Variants in KLKB1 observed in about 807,000 individuals in gnomAD.
The protein encoded by KLKB1 is kallikrein B1, also known as plasma kallikrein.
KLKB1 carries 58 observed loss-of-function variants against 73.6 expected under a neutral mutation model. That is an observed-to-expected ratio of 0.79 (90% CI 0.64 to 0.98). KLKB1 has a LOEUF of 0.98. KLKB1 is among the 50% of genes least tolerant of loss of function. The pLI, the probability that KLKB1 is intolerant of heterozygous loss-of-function variation, is 0.00. For synonymous variants in KLKB1, 280 were observed against 258.1 expected, an observed-to-expected ratio of 1.08 and a Z score of -0.81; for missense variants, 737 against 763.8, an observed-to-expected ratio of 0.96 and a Z score of 0.41.
upstream of KLKB1, among the ~76,000 whole-genome samples, chr4:186,223,789 G>C (rs1306887530): frequency 6.6e-6 from 1 of 152,190 alleles, no homozygotes; most frequent in Non-Finnish European, 1.5e-5. Flanking sequence ...TTTCTGAGGA[G>C]GAATTCAAGC....
At position 186,251,587 on chromosome 4, in the gene KLKB1, A is replaced by T; in HGVS notation, c.969A>T (p.Thr323=). The change falls in exon 9 of 15, where the codon ACA becomes ACT. Residue 323 remains threonine, a synonymous_variant. Coordinates refer to ENST00000264690, the MANE Select transcript of KLKB1 (RefSeq NM_000892.5). ...TGAATGTTTGCCAAGAGACTTGCAC[A>T]AAGATGATTCGCTGTCAGTTTTTCA... is the stretch of plus-strand genomic sequence containing the variant. The part of the protein sequence containing the change: ...KGVNVCQETC[T]KMIRCQFFTY... 2 of 1,614,188 alleles carry T rather than the reference A, an allele frequency of 1.2e-6. No homozygotes were observed. Among genetic ancestry groups the T allele is most frequent in the Middle Eastern group, 1.6e-4 (1 of 6,062 alleles).
At chr4:186,252,448 C>T (rs1348354288) in intron 11 of KLKB1, among the ~76,000 whole-genome samples, 2 of 152,072 alleles carry the variant, frequency 1.3e-5, no homozygotes, top group Non-Finnish European at 2.9e-5. Context: ...ACTCCTCCAA[C>T]CCACCACCCA....
At chr4:186,218,423 T>A (rs190073618) in intron 2 of KLKB1, among the ~76,000 whole-genome samples, 5 of 152,220 alleles carry the variant, frequency 3.3e-5, no homozygotes, top group African/African-American at 4.8e-5. Context: ...AAGCATTTTT[T>A]AAAATGGAAA....
At chr4:186,243,522 T>C (rs1738165292) in intron 6 of KLKB1, among the ~76,000 whole-genome samples, 2 of 152,164 alleles carry the variant, frequency 1.3e-5, no homozygotes, top group African/African-American at 4.8e-5. Context: ...GCATAGGCAT[T>C]GTCCTGAGCA....
chr4:186,212,155 T>G (rs1736744503), intron 2 of KLKB1: 1 of 152,214 alleles, frequency 6.6e-6, no homozygotes, highest in Non-Finnish European at 1.5e-5. Flanking sequence ...TACCCTTAAA[T>G]CTCTCCACTC....
chr4:186,240,031 A>G (rs1363602788), intron 6 of KLKB1, among the ~76,000 whole-genome samples: 2 of 150,284 alleles, frequency 1.3e-5, no homozygotes, highest in Non-Finnish European at 3.0e-5. Context: ...GTACAGTGAT[A>G]CTGTTATAGT....
At position 186,252,174 on chromosome 4, in the gene KLKB1, C is replaced by T. The variant is rs750333977; in HGVS notation, c.1302C>T (p.His434=). 3.1e-6 allele frequency: 5 copies of T among 1,613,736 alleles called. No individual in the cohort carries two copies. The Admixed American group carries it at 6.7e-5, about 22-fold the overall frequency. ...ACCAGTGGGTCCTCACTGCTGCCCACTGCTTTGATGGGTAAGTGTTGGATG... is the reference window on the plus strand; with the variant it reads ...ACCAGTGGGTCCTCACTGCTGCCCATTGCTTTGATGGGTAAGTGTTGGATG... ...IGHQWVLTAA[H]CFDGLPLQDV... Residue 434 remains histidine, a synonymous_variant, in exon 11 of 15, where the codon CAC becomes CAT. Coordinates refer to ENST00000264690, the MANE Select transcript of KLKB1 (RefSeq NM_000892.5).
At chr4:186,236,759 T>C (rs1209031364) in intron 4 of KLKB1, 22 bp from the exon 5 acceptor site, 1 of 1,612,864 alleles carries the variant, frequency 6.2e-7, no homozygotes, top group Admixed American at 1.7e-5. Context: ...CTGTATTTGC[T>C]CTATGTATTT....
At chr4:186,241,977 G>A (rs757538433) in intron 6 of KLKB1, among the ~76,000 whole-genome samples, 31 of 152,222 alleles carry the variant, frequency 2.0e-4, no homozygotes, top group Non-Finnish European at 3.4e-4. Context: ...TCCGTGTGAA[G>A]AGACCACTAA....
intron 12 of KLKB1, among the ~76,000 whole-genome samples, chr4:186,255,006 G>T (rs990879981): frequency 6.6e-6 from 1 of 152,220 alleles, no homozygotes; most frequent in Non-Finnish European, 1.5e-5. Context: ...GCAGGTGATG[G>T]AAATAATGGG....
At chr4:186,236,972 A>G (rs1469010871) in intron 5 of KLKB1, 32 bp downstream of exon 5, 5 of 1,609,730 alleles carry the variant, frequency 3.1e-6, no homozygotes, top group South Asian at 1.1e-5. Context: ...TGTTCTTTGT[A>G]TTGGTGCCTC....
rs759592429 is a variant in KLKB1 at position 186,250,367 on chromosome 4, A to T, written c.723A>T (p.Thr241=). The T allele has an allele frequency of 6.2e-7, 1 of 1,614,178 alleles. No individual in the cohort carries two copies. The highest frequency in any genetic ancestry group is 1.1e-5 in the South Asian group (1 of 91,080). ...CTYHPNCLFF[T]FYTNVWKIES... is the part of the protein sequence containing the mutation. ...ATCACCCCAACTGCCTCTTCTTTAC[A>T]TTCTATACAAATGTATGGAAAATCG... Residue 241 remains threonine, a synonymous_variant, in exon 7 of 15, where the codon ACA becomes ACT. Transcript: ENST00000264690.
chr4:186,240,417 G>A (rs547984591), intron 6 of KLKB1, among the ~76,000 whole-genome samples: 2 of 152,114 alleles, frequency 1.3e-5, no homozygotes, highest in African/African-American at 4.8e-5. Context: ...AAACTGTAAG[G>A]TCATTCCTTG....
At chr4:186,211,231 C>T (rs1304007222) in intron 2 of KLKB1, 2 of 152,886 alleles carry the variant, frequency 1.3e-5, no homozygotes, top group Non-Finnish European at 1.5e-5. Context: ...AAACATCTAA[C>T]AGGTTTCTCA....
intron 2 of KLKB1, among the ~76,000 whole-genome samples, chr4:186,229,765 C>T (rs1205474872): frequency 6.6e-6 from 1 of 152,130 alleles, no homozygotes; most frequent in Non-Finnish European, 1.5e-5. Context: ...GAAACAGTGT[C>T]CTAATTTATT....
chr4:186,246,727 TG>T (rs562315591), intron 6 of KLKB1, among the ~76,000 whole-genome samples: 6 of 150,916 alleles, frequency 4.0e-5, no homozygotes, highest in African/African-American at 9.8e-5. Flanking sequence ...AGAGAAGGGG[TG>T]GGGGGGTGCT....
At chr4:186,256,633 C>T (rs780852788) in intron 13 of KLKB1, among the ~76,000 whole-genome samples, 2 of 152,134 alleles carry the variant, frequency 1.3e-5, no homozygotes, top group Non-Finnish European at 2.9e-5. Flanking sequence ...CTTCACTAAG[C>T]CATGAAAGCT....
Position 186,257,219 on chromosome 4 carries a change from C to T in KLKB1, c.1586-7C>T. 1 of 1,545,050 alleles carries T rather than the reference C, an allele frequency of 6.5e-7. No homozygotes were observed. The highest frequency in any genetic ancestry group is 8.9e-7 in the Non-Finnish European group (1 of 1,127,976). ...TCCCTCTGAGGTTATATATTGGTTA[C>T]TCACAGGTGAAATCCAAAATATTCT... On this transcript the variant is annotated splice_polypyrimidine_tract_variant and splice_region_variant and intron_variant, in intron 13 of 14. Transcript: ENST00000264690.
At chr4:186,254,135 A>G (rs1261293501) in intron 11 of KLKB1, among the ~76,000 whole-genome samples, 3 of 152,298 alleles carry the variant, frequency 2.0e-5, no homozygotes, top group East Asian at 1.9e-4. Flanking sequence ...GCCCAGCTGT[A>G]TAGAGATATT....
Sources: allele counts gnomAD v4.1 joint callset (sites outside exome capture counted in the v4.1 genomes callset), GRCh38; gene constraint gnomAD v4.1.1; transcripts MANE v1.5; gene names NCBI Gene and HGNC (gene_info 2026-07-23, HGNC 2026-07-21).